The following ADAD1 variants were observed in gnomAD, a reference collection of about 807,000 sequenced individuals.
ADAD1 encodes the protein adenosine deaminase domain-containing protein 1.
ADAD1 carries 46 observed loss-of-function variants against 66.8 expected under a neutral mutation model. The observed-to-expected ratio is 0.69, with a 90% CI of 0.54 to 0.88. The LOEUF (loss-of-function observed/expected upper bound fraction) is 0.88, where lower values mean the gene tolerates loss of function less well. Ranked by LOEUF, ADAD1 falls within the 40% of genes least tolerant of loss-of-function variation. The pLI is 0.00. For missense variants in ADAD1, 617 were observed against 681.8 expected, an observed-to-expected ratio of 0.91 and a Z score of 1.06; for synonymous variants, 248 against 229.4, an observed-to-expected ratio of 1.08 and a Z score of -0.73.
intron 7 of ADAD1, among the ~76,000 whole-genome samples, chr4:122,403,546 A>T (rs564023916): frequency 6.6e-6 from 1 of 152,294 alleles, no homozygotes; most frequent in South Asian, 2.1e-4. Context: ...CGGTGAAATT[A>T]GCTGTTGTTT....
intron 5 of ADAD1, among the ~76,000 whole-genome samples, chr4:122,387,010 G>A (rs1795203149): frequency 6.6e-6 from 1 of 152,106 alleles, no homozygotes; most frequent in Non-Finnish European, 1.5e-5. Flanking sequence ...GATTGTCTTG[G>A]CTATATGGGG....
At chr4:122,405,987 C>T (rs577895978) in intron 7 of ADAD1, among the ~76,000 whole-genome samples, 2 of 152,162 alleles carry the variant, frequency 1.3e-5, no homozygotes, top group African/African-American at 4.8e-5. Context: ...TTTATTGGGA[C>T]ATGTAGGTTT....
At chr4:122,388,747 A>T (rs11728796) in intron 5 of ADAD1, among the ~76,000 whole-genome samples, 1 of 151,468 alleles carries the variant, frequency 6.6e-6, no homozygotes, top group African/African-American at 2.4e-5. Context: ...TGTCTATTTG[A>T]TTCTTTTCTC....
At chr4:122,397,722 A>G (rs2150557076) in intron 7 of ADAD1, among the ~76,000 whole-genome samples, 1 of 152,318 alleles carries the variant, frequency 6.6e-6, no homozygotes, top group South Asian at 2.1e-4. Flanking sequence ...GAAAGTGACA[A>G]TAAATGATAG....
intron 7 of ADAD1, among the ~76,000 whole-genome samples, chr4:122,403,549 T>C (rs765629892): frequency 2.6e-5 from 4 of 152,170 alleles, no homozygotes; most frequent in Non-Finnish European, 4.4e-5. Context: ...TGAAATTAGC[T>C]GTTGTTTTCT....
chr4:122,407,268 T>A (rs1055712925), intron 7 of ADAD1, among the ~76,000 whole-genome samples: 6 of 152,048 alleles, frequency 3.9e-5, no homozygotes, highest in Non-Finnish European at 8.8e-5. Flanking sequence ...AGTGATCTAG[T>A]CACTGGGGAA....
intron 5 of ADAD1, among the ~76,000 whole-genome samples, chr4:122,386,064 G>A (rs921684325): frequency 1.3e-5 from 2 of 152,098 alleles, no homozygotes; most frequent in Non-Finnish European, 2.9e-5. Flanking sequence ...ATCCAGTAAT[G>A]GTATTGCTGG....
In ADAD1 at chr4:122,428,123, A is replaced by C. The variant is rs558149514; in HGVS notation, c.1618-1503A>C. On this transcript the variant is annotated intron_variant, in intron 12 of 12. Transcript: ENST00000296513. ...TTATGTCAGTCATACACAAAAATTAACTCAAAGTGGACTTTAGATCTAACT... is the reference window on the plus strand; with the variant it reads ...TTATGTCAGTCATACACAAAAATTACCTCAAAGTGGACTTTAGATCTAACT... Among the ~76,000 whole-genome samples, 154 of 152,306 alleles carry C rather than the reference A, an allele frequency of 1.0e-3. 2 individuals are homozygous for C. Among genetic ancestry groups the C allele is most frequent in the African/African-American group, 3.4e-3 (142 of 41,566 alleles).
chr4:122,421,240 A>T (rs551777160), intron 11 of ADAD1, 21 bp from the exon 12 acceptor site: 3 of 1,510,046 alleles, frequency 2.0e-6, no homozygotes, highest in East Asian at 2.3e-5. Context: ...AATTTAAAAA[A>T]TTTTATTTCT....
intron 7 of ADAD1, among the ~76,000 whole-genome samples, chr4:122,404,080 G>A (rs887058225): frequency 6.6e-6 from 1 of 152,124 alleles, no homozygotes; most frequent in Non-Finnish European, 1.5e-5. Flanking sequence ...CTGAGATCTT[G>A]CACGAGGAGG....
chr4:122,408,078 C>A, intron 8 of ADAD1, 47 bp downstream of exon 8: 1 of 1,542,238 alleles, frequency 6.5e-7, no homozygotes, highest in Non-Finnish European at 8.8e-7. Flanking sequence ...ATGCCCTCAG[C>A]CCAAAGTAAC....
In ADAD1 at chr4:122,379,436, C is replaced by G. The variant is rs1390073162; in HGVS notation, c.-18C>G. On this transcript the variant is annotated 5_prime_UTR_variant, in exon 2 of 13. Transcript: ENST00000296513. ...CAAGCGCGGGGGCAAGAGCGCCGGC[C>G]TCCGAGACGGTTAGTGATTGGACGA... 3 of 152,508 alleles carry G rather than the reference C, an allele frequency of 2.0e-5. No homozygotes were observed. The highest frequency in any genetic ancestry group is 6.5e-5 in the Admixed American group (1 of 15,294). The allele number at this position is 152,508 out of a possible 1,614,324, so 9.4% of individuals were successfully genotyped here.
intron 12 of ADAD1, 61 bp from the exon 13 acceptor site, chr4:122,429,565 C>T (rs1797422342): frequency 6.0e-6 from 6 of 998,182 alleles, no homozygotes; most frequent in Non-Finnish European, 6.2e-6. Context: ...AGTATTGGGG[C>T]TACTTTTCAG....
chr4:122,412,838 C>G, intron 10 of ADAD1, 29 bp downstream of exon 10: 1 of 1,560,014 alleles, frequency 6.4e-7, no homozygotes. Flanking sequence ...CCTCCTGGGC[C>G]TCTCACTCAC....
rs377291489 is a variant in ADAD1, at chr4:122,412,693, A to C, written c.1133A>C (p.Asn378Thr). Residue 378 changes from asparagine (N) to threonine (T), a missense_variant, in exon 10 of 13, where the codon AAT becomes ACT. Transcript: ENST00000296513. ...LTVYCPKDGV[N>T]RISSMSSSDK... is the part of the protein sequence containing the mutation. ...GTTTACTGTCCTAAAGATGGTGTTA[A>C]TAGAATAAGCAGTATGTCCTCAAGT... 6.2e-7 allele frequency: 1 copy of C among 1,613,804 alleles called. No individual in the cohort carries two copies. Among genetic ancestry groups the C allele is most frequent in the Non-Finnish European group, 8.5e-7 (1 of 1,179,826 alleles).
intron 8 of ADAD1, among the ~76,000 whole-genome samples, chr4:122,410,316 G>C (rs2150578535): frequency 6.6e-6 from 1 of 152,058 alleles, no homozygotes; most frequent in Admixed American, 6.5e-5. Context: ...TTATTCCTGT[G>C]CTTGGCGTTT....
At chr4:122,397,142 A>C (rs1795754524) in intron 7 of ADAD1, among the ~76,000 whole-genome samples, 2 of 152,204 alleles carry the variant, frequency 1.3e-5, no homozygotes, top group African/African-American at 4.8e-5. Context: ...AAACTGCAGG[A>C]CAATGAGGTA....
At chr4:122,425,659 C>A (rs1797198552) in intron 12 of ADAD1, among the ~76,000 whole-genome samples, 1 of 151,052 alleles carries the variant, frequency 6.6e-6, no homozygotes, top group African/African-American at 2.4e-5. Flanking sequence ...AGTATAACAA[C>A]TATTTACATT....
In ADAD1 at chr4:122,411,309, T is replaced by A. The variant is rs1391644320; in HGVS notation, c.936T>A (p.Asn312Lys). The stretch of plus-strand genomic sequence containing the variant: ...TATTTTGTACAGAACCAACTTCTAA[T>A]CTACTCACTCTTAAACAGAATATCA... ...KSIFCTEPTS[N>K]LLTLKQNINI... The change falls in exon 9 of 13, where the codon AAT becomes AAA. Residue 312 changes from asparagine (N) to lysine (K), a missense_variant. Asn to Lys is a moderately conservative substitution (Grantham distance 94). Coordinates refer to ENST00000296513, the MANE Select transcript of ADAD1 (RefSeq NM_139243.4). 1 of 1,613,338 alleles carries A rather than the reference T, an allele frequency of 6.2e-7. No individual in the cohort carries two copies. Among genetic ancestry groups the A allele is most frequent in the South Asian group, 1.1e-5 (1 of 90,858 alleles).
Sources: gnomAD v4.1 joint callset for allele counts (sites outside exome capture counted in the v4.1 genomes callset) on GRCh38, gnomAD v4.1.1 for gene constraint, MANE v1.5 for transcripts, NCBI Gene and HGNC (gene_info 2026-07-23, HGNC 2026-07-21) for gene names.